The following RBM23 variants were observed in gnomAD, a reference collection of about 807,000 sequenced individuals.
RBM23 encodes probable RNA-binding protein 23.
Under a neutral mutation model 56.2 loss-of-function variants are expected in RBM23, and 53 were observed. The observed-to-expected ratio is 0.94, with a 90% CI of 0.76 to 1.19. The LOEUF is 1.19. Among genes scored for constraint, RBM23 ranks in the 50% most tolerant of loss-of-function variants. The pLI, the probability that RBM23 is intolerant of heterozygous loss-of-function variation, is 0.00. For missense variants in RBM23, 642 were observed against 590.3 expected, an observed-to-expected ratio of 1.09 and a Z score of -0.91; for synonymous variants, 197 against 198.5, an observed-to-expected ratio of 0.99 and a Z score of 0.06.
rs888965968 is a variant in RBM23 at position 22,893,485 on chromosome 14, C to T, written c.*8245G>A. 10 of 152,156 alleles carry T rather than the reference C, an allele frequency of 6.6e-5. No homozygotes were observed. Among genetic ancestry groups the T allele is most frequent in the African/African-American group, 2.4e-4 (10 of 41,412 alleles). The allele number at this position is 152,156 out of a possible 1,614,324, so 9.4% of individuals were successfully genotyped here. On this transcript the variant is annotated 3_prime_UTR_variant, in exon 14 of 14. Coordinates refer to ENST00000359890, the MANE Select transcript of RBM23 (RefSeq NM_001077351.2). ...ACAGGCAAAATAGCAGCAAACAATA[C>T]CACATTCTATCTAACTGGGGGCTAC...
chr14:22,894,473 T>G lies in RBM23; in HGVS notation c.*7257A>C, dbSNP rs1415246962. On this transcript the variant is annotated 3_prime_UTR_variant, in exon 14 of 14. Transcript: ENST00000359890. The stretch of plus-strand genomic sequence containing the variant: ...GGCTCACGCCTGTAATCCCAGCACT[T>G]TGGGAGGCCGAGGTGGGTGGATCAC... The G allele has an allele frequency of 6.7e-6, 1 of 148,468 alleles. No homozygotes were observed. The highest frequency in any genetic ancestry group is 1.5e-5 in the Non-Finnish European group (1 of 66,884). 9.2% of individuals were successfully genotyped at this position (148,468 alleles called of 1,614,324 possible).
At chr14:22,909,989 C>T (rs1438522935) in intron 2 of RBM23, among the ~76,000 whole-genome samples, 2 of 151,202 alleles carry the variant, frequency 1.3e-5, no homozygotes, top group Non-Finnish European at 2.9e-5. Flanking sequence ...CCCATCTCTA[C>T]TAAAAATACA....
chr14:22,913,509 C>T (rs944463820), intron 1 of RBM23, among the ~76,000 whole-genome samples: 2 of 151,938 alleles, frequency 1.3e-5, no homozygotes, highest in African/African-American at 4.8e-5. Context: ...CACCTGTAAT[C>T]CCAGCACCGT....
chr14:22,903,147 GT>G (rs2040912649), intron 10 of RBM23: 2 of 985,312 alleles, frequency 2.0e-6, no homozygotes, highest in South Asian at 9.4e-5. Flanking sequence ...ACACACCCTA[GT>G]GCTGACAGCA....
At chr14:22,911,972 T>C (rs893146543) in intron 1 of RBM23, 2 of 152,300 alleles carry the variant, frequency 1.3e-5, no homozygotes, top group African/African-American at 2.4e-5. Context: ...GTCAAGGATA[T>C]AGAAGAAAAC....
chr14:22,918,895 C>T (rs2044080901), intron 1 of RBM23, 104 bp downstream of exon 1: 1 of 152,148 alleles, frequency 6.6e-6, no homozygotes, highest in Admixed American at 6.5e-5. Flanking sequence ...GCCTGAATCT[C>T]TTCGTGACGC....
At chr14:22,911,227 G>A in intron 2 of RBM23, 101 bp downstream of exon 2, 1 of 911,900 alleles carries the variant, frequency 1.1e-6, no homozygotes, top group South Asian at 1.4e-5. Flanking sequence ...TAATAAATAA[G>A]CAGGGAAAGA....
Position 22,914,539 on chromosome 14 carries a change from TTAACA to T in RBM23, c.-10-3141_-10-3137del, listed in dbSNP as rs569513804. On this transcript the variant is annotated intron_variant, in intron 1 of 13. Coordinates refer to ENST00000359890, the MANE Select transcript of RBM23 (RefSeq NM_001077351.2). Reference sequence around the variant, plus strand: ...TTGGGAGTGATGGTTTCACGGGTGTTTAACATATCAAAACGCATGAAAGTGTACAC... The same window carrying T: ...TTGGGAGTGATGGTTTCACGGGTGTTTATCAAAACGCATGAAAGTGTACAC... 2.2e-3 allele frequency among the ~76,000 whole-genome samples: 329 copies of T among 152,010 alleles called. 3 individuals carry two copies. The highest frequency in any genetic ancestry group is 7.7e-3 in the African/African-American group (319 of 41,458).
intron 10 of RBM23, chr14:22,903,846 T>C (rs770023776): frequency 3.2e-5 from 36 of 1,115,940 alleles, no homozygotes; most frequent in Non-Finnish European, 3.9e-5. Context: ...CAGAAATTGC[T>C]TCAAATGGGG....
chr14:22,904,723 T>C (rs1274396332), intron 9 of RBM23, 152 bp downstream of exon 9: 31 of 1,141,226 alleles, frequency 2.7e-5, no homozygotes, highest in Admixed American at 4.5e-5. Context: ...TGAACAGAGA[T>C]GGAGCCAAAC....
intron 1 of RBM23, among the ~76,000 whole-genome samples, chr14:22,912,997 TCA>T (rs1491216406): frequency 4.5e-4 from 5 of 11,206 alleles, no homozygotes; most frequent in African/African-American, 4.3e-3. Context: ...AGATTCAGTC[TCA>T]AAAAAAAAAA....
rs376075546 is a variant in RBM23 at position 22,901,924 on chromosome 14, C to T, written c.1247-41G>A. 858 of 1,613,538 alleles carry T rather than the reference C, an allele frequency of 5.3e-4. 2 individuals carry two copies. Among genetic ancestry groups the T allele is most frequent in the Middle Eastern group, 8.2e-4 (5 of 6,084 alleles). On this transcript the variant is annotated intron_variant, in intron 12 of 13. Transcript: ENST00000359890. ...GCAGAGTGAGTGAGCAAGCACCGCG[C>T]ACTCCTTCTTTCCAGACCCCCAAAC...
intron 4 of RBM23, among the ~76,000 whole-genome samples, chr14:22,907,700 C>T (rs2041806752): frequency 6.6e-6 from 1 of 152,158 alleles, no homozygotes; most frequent in African/African-American, 2.4e-5. Context: ...ACTTCTACTT[C>T]GGTTAACTAT....
chr14:22,908,301 C>A lies in RBM23; in HGVS notation c.227+32G>T. 4 of 1,547,420 alleles carry A rather than the reference C, an allele frequency of 2.6e-6. No homozygotes were observed. In the African/African-American group the frequency reaches 4.1e-5, roughly 16 times the overall value. ...TTCCAAAGTGCTAGGATTAAAGATA[C>A]GAGCCACTGTGCCTGGCCCAGAATT... On this transcript the variant is annotated intron_variant, in intron 4 of 13. Coordinates refer to ENST00000359890, the MANE Select transcript of RBM23 (RefSeq NM_001077351.2).
chr14:22,913,997 T>A (rs1435787895), intron 1 of RBM23: 5 of 137,930 alleles, frequency 3.6e-5, no homozygotes, highest in African/African-American at 1.1e-4. Context: ...GCACTCCAGG[T>A]TGGGTGACAG....
Position 22,906,237 on chromosome 14 carries a change from C to T in RBM23, c.359G>A (p.Arg120His), listed in dbSNP as rs200437602. 7.4e-6 allele frequency: 12 copies of T among 1,614,094 alleles called. No homozygotes were observed. Among genetic ancestry groups the T allele is most frequent in the African/African-American group, 5.3e-5 (4 of 74,942 alleles). Residue 120 changes from arginine to histidine, a missense_variant, in exon 5 of 14, where the codon CGT (arginine) becomes CAT (histidine). By Grantham distance (29) the Arg-to-His change is conservative. Transcript: ENST00000359890. Reference protein sequence around the residue: ...GSESRSRDHRREDRVHYRSPP... With the variant: ...GSESRSRDHRHEDRVHYRSPP... Reference sequence around the variant, plus strand: ...ACTCCTGTAATGCACACGATCCTCACGACGATGGTCCCGACTTCGCGACTC... The same window carrying T: ...ACTCCTGTAATGCACACGATCCTCATGACGATGGTCCCGACTTCGCGACTC...
At position 22,901,503 on chromosome 14, in the gene RBM23, A is replaced by G. The variant is rs867170251; in HGVS notation, c.*227T>C. On this transcript the variant is annotated 3_prime_UTR_variant, in exon 14 of 14. Transcript: ENST00000359890. Reference sequence around the variant, plus strand: ...AAACAGGTATTCAATGCAGGTGTGGATTCTGTTCTCTTCAACTGGTGGCTT... The same window carrying G: ...AAACAGGTATTCAATGCAGGTGTGGGTTCTGTTCTCTTCAACTGGTGGCTT... 1 of 624,750 alleles carries G rather than the reference A, an allele frequency of 1.6e-6. No homozygotes were observed. The highest frequency in any genetic ancestry group is 4.4e-4 in the Middle Eastern group (1 of 2,258). The allele number at this position is 624,750 out of a possible 1,614,324, so 38.7% of individuals were successfully genotyped here.
intron 5 of RBM23, 90 bp downstream of exon 5, chr14:22,906,105 T>C: frequency 6.9e-7 from 1 of 1,443,768 alleles, no homozygotes; most frequent in South Asian, 1.3e-5. Flanking sequence ...CAATGTGTTA[T>C]AATAAGCACC....
Position 22,904,880 on chromosome 14 carries a change from CAAAGGGCTCA to C in RBM23, c.849_858del (p.Phe283LeufsTer9). On this transcript the variant is annotated frameshift_variant, in exon 9 of 14. Transcript: ENST00000359890. LOFTEE classifies it high-confidence loss of function. ...TTTCTCTCACTTCTACTCACTTTACCAAAGGGCTCAAAGATGCCCCGGAGCATGTCTTCAG... is the reference window on the plus strand; with the variant it reads ...TTTCTCTCACTTCTACTCACTTTACCAAGATGCCCCGGAGCATGTCTTCAG... 1 of 1,614,150 alleles carries C rather than the reference CAAAGGGCTCA, an allele frequency of 6.2e-7. No individual in the cohort carries two copies. Among genetic ancestry groups the C allele is most frequent in the South Asian group, 1.1e-5 (1 of 91,080 alleles).
Sources: gnomAD v4.1 joint callset for allele counts (sites outside exome capture counted in the v4.1 genomes callset) on GRCh38, gnomAD v4.1.1 for gene constraint, MANE v1.5 for transcripts, NCBI Gene and HGNC (gene_info 2026-07-23, HGNC 2026-07-21) for gene names.